The following MCL1 variants were observed in gnomAD, a reference collection of about 807,000 sequenced individuals.
The protein encoded by MCL1 is MCL1 apoptosis regulator, BCL2 family member.
In MCL1, 4 loss-of-function variants were observed where a neutral mutation model predicts 24.2. The ratio of observed to expected loss-of-function variants is 0.17; its 90% CI spans 0.08 to 0.38. The LOEUF is 0.38. MCL1 is among the 10% of genes least tolerant of loss of function. MCL1 has a pLI of 1.00. For missense variants in MCL1, 529 were observed against 480.3 expected, an observed-to-expected ratio of 1.10 and a Z score of -0.95; for synonymous variants, 248 against 214.0, an observed-to-expected ratio of 1.16 and a Z score of -1.39.
Position 150,576,918 on chromosome 1 carries a change from G to A in MCL1, c.*457C>T. 4.0e-6 allele frequency: 1 copy of A among 247,144 alleles called. No homozygotes were observed. The highest frequency in any genetic ancestry group is 1.2e-4 in the South Asian group (1 of 8,270). The allele number at this position is 247,144 out of a possible 1,614,324, so 15.3% of individuals were successfully genotyped here. On this transcript the variant is annotated 3_prime_UTR_variant, in exon 3 of 3. Transcript: ENST00000369026. ...AAAGCTTCCCTTGTACAGTACTGAG[G>A]CTTACAGTCATAGTTCTATTACTTG...
chr1:150,579,084 T>C lies in MCL1; in HGVS notation c.447A>G (p.Glu149=). 6.2e-7 allele frequency: 1 copy of C among 1,613,176 alleles called. No individual in the cohort carries two copies. The highest frequency in any genetic ancestry group is 1.3e-5 in the African/African-American group (1 of 75,068). The change falls in exon 1 of 3, where the codon GAA becomes GAG. Residue 149 remains glutamate (E), a synonymous_variant. Transcript: ENST00000369026. The stretch of plus-strand genomic sequence containing the variant: ...CGTCCGTACTGGTGTTATTACCAGA[T>C]TCCCCGACCAACTCCAGCAGCGGCA... ...AVLPLLELVG[E]SGNNTSTDGS...
intron 2 of MCL1, among the ~76,000 whole-genome samples, 187 bp downstream of exon 2, chr1:150,578,057 A>C (rs1172156851): frequency 6.6e-6 from 1 of 152,246 alleles, no homozygotes; most frequent in East Asian, 1.9e-4. Flanking sequence ...GATACAATTC[A>C]AGACCGCCAT....
rs1398488491 is a variant in MCL1 at position 150,577,350 on chromosome 1, G to GTCA, written c.*22_*24dup. 4 of 1,607,758 alleles carry GTCA rather than the reference G, an allele frequency of 2.5e-6. No homozygotes were observed. In the Admixed American group the frequency reaches 6.9e-5, roughly 28 times the overall value. On this transcript the variant is annotated 3_prime_UTR_variant, in exon 3 of 3. Transcript: ENST00000369026. Reference sequence around the variant, plus strand: ...TGGTGGTGGTGGTGGTTGGTTAAAAGTCAACTATTGCACTTACAGTAAGGC... The same window carrying GTCA: ...TGGTGGTGGTGGTGGTTGGTTAAAAGTCATCAACTATTGCACTTACAGTAAGGC...
chr1:150,578,146 G>A (rs1647893610), intron 2 of MCL1, 98 bp downstream of exon 2: 1 of 1,330,258 alleles, frequency 7.5e-7, no homozygotes. Flanking sequence ...GCAAACAGCC[G>A]TGCGTCATAA....
At chr1:150,577,514 A>G in intron 2 of MCL1, 23 bp from the exon 3 acceptor site, 1 of 1,572,358 alleles carries the variant, frequency 6.4e-7, no homozygotes, top group Non-Finnish European at 8.6e-7. Context: ...AAAGAAAAGC[A>G]CATTTTCAAG....
chr1:150,578,887 C>T lies in MCL1; in HGVS notation c.644G>A (p.Arg215Gln), dbSNP rs2101697690. 1 of 1,613,828 alleles carries T rather than the reference C, an allele frequency of 6.2e-7. No individual in the cohort carries two copies. Among genetic ancestry groups the T allele is most frequent in the Non-Finnish European group, 8.5e-7 (1 of 1,179,966 alleles). ...GTTGCGCTGCACGCCATCCCCAACC[C>T]GTCGTAAGGTCTCCAGCGCCTTCCT... ...TSRKALETLR[R>Q]VGDGVQRNHE... Residue 215 changes from arginine (R) to glutamine (Q), a missense_variant, in exon 1 of 3, where the codon CGG (arginine) becomes CAG (glutamine). Physicochemically the swap from Arg to Gln is conservative, Grantham distance 43. Coordinates refer to ENST00000369026, the MANE Select transcript of MCL1 (RefSeq NM_021960.5).
intron 1 of MCL1, 152 bp downstream of exon 1, chr1:150,578,691 T>A (rs587616711): frequency 1.3e-5 from 13 of 1,025,694 alleles, no homozygotes; most frequent in Admixed American, 2.8e-5. Context: ...GCGGAAACAA[T>A]GACTCATGGC....
In MCL1 at chr1:150,578,445, C is replaced by A; in HGVS notation, c.735G>T (p.Ser245=). 1 of 1,614,198 alleles carries A rather than the reference C, an allele frequency of 6.2e-7. No individual in the cohort carries two copies. The highest frequency in any genetic ancestry group is 1.1e-5 in the South Asian group (1 of 91,090). The stretch of plus-strand genomic sequence containing the variant: ...AAACATGGATCATCACTCGAGACAA[C>A]GATTTCACATCGTCTTCGTTTTTGA... ...LDIKNEDDVK[S]LSRVMIHVFS... Residue 245 remains serine, a synonymous_variant, in exon 2 of 3, where the codon TCG becomes TCT. Transcript: ENST00000369026.
chr1:150,578,533 C>G (rs1647914212), intron 1 of MCL1, 42 bp from the exon 2 acceptor site: 5 of 1,604,344 alleles, frequency 3.1e-6, no homozygotes, highest in African/African-American at 2.7e-5. Flanking sequence ...CCTCCTTTGT[C>G]TAAACCGGCG....
Position 150,578,466 on chromosome 1 carries a change from T to C in MCL1, c.714A>G (p.Lys238=). ...FQGMLRKLDI[K]NEDDVKSLSR... is the part of the protein sequence containing the mutation. The stretch of plus-strand genomic sequence containing the variant: ...ACAACGATTTCACATCGTCTTCGTT[T>C]TTGATGTCCAGTTTCCGAAGCATGC... The change falls in exon 2 of 3, where the codon AAA becomes AAG. Residue 238 remains lysine (K), a synonymous_variant. Coordinates refer to ENST00000369026, the MANE Select transcript of MCL1 (RefSeq NM_021960.5). 1 of 1,614,234 alleles carries C rather than the reference T, an allele frequency of 6.2e-7. No homozygotes were observed. Among genetic ancestry groups the C allele is most frequent in the Non-Finnish European group, 8.5e-7 (1 of 1,180,044 alleles).
In MCL1 at chr1:150,579,077, T is replaced by TACGG; in HGVS notation, c.453_454insCCGT (p.Asn152ProfsTer2). 2 of 1,613,164 alleles carry TACGG rather than the reference T, an allele frequency of 1.2e-6. No homozygotes were observed. The highest frequency in any genetic ancestry group is 1.7e-6 in the Non-Finnish European group (2 of 1,180,012). ...AGTGACCCGTCCGTACTGGTGTTATTACCAGATTCCCCGACCAACTCCAGC... is the reference window on the plus strand; with the variant it reads ...AGTGACCCGTCCGTACTGGTGTTATTACGGACCAGATTCCCCGACCAACTCCAGC... On this transcript the variant is annotated frameshift_variant, in exon 1 of 3. Coordinates refer to ENST00000369026, the MANE Select transcript of MCL1 (RefSeq NM_021960.5). LOFTEE classifies it high-confidence loss of function.
In MCL1 at chr1:150,579,156, C is replaced by G; in HGVS notation, c.375G>C (p.Glu125Asp). ...AADAIMSPEE[E>D]LDGYEPEPLG... is the part of the protein sequence containing the mutation. ...GAGGCTCCGGCTCGTACCCGTCCAG[C>G]TCCTCTTCGGGCGACATGATGGCGT... Residue 125 changes from glutamate to aspartate, a missense_variant, in exon 1 of 3, where the codon GAG (glutamate) becomes GAC (aspartate). Transcript: ENST00000369026. The G allele has an allele frequency of 1.2e-6, 2 of 1,611,134 alleles. No homozygotes were observed. Among genetic ancestry groups the G allele is most frequent in the Non-Finnish European group, 1.7e-6 (2 of 1,179,826 alleles).
In MCL1 at chr1:150,579,572, A is replaced by AC. The variant is rs1252979650; in HGVS notation, c.-43dup. 1 of 1,559,042 alleles carries AC rather than the reference A, an allele frequency of 6.4e-7. No homozygotes were observed. Among genetic ancestry groups the AC allele is most frequent in the Non-Finnish European group, 8.7e-7 (1 of 1,151,376 alleles). On this transcript the variant is annotated 5_prime_UTR_variant, in exon 1 of 3. Transcript: ENST00000369026. ...CGCCTGGCTGAGAAAACTGGGGAAG[A>AC]CCCCGACTCCTTACTGGAAGGAAGC...
rs2101701157 is a variant in MCL1, at chr1:150,579,542, G to A, written c.-12C>T. The A allele has an allele frequency of 6.3e-7, 1 of 1,591,162 alleles. No individual in the cohort carries two copies. The highest frequency in any genetic ancestry group is 8.5e-7 in the Non-Finnish European group (1 of 1,170,362). On this transcript the variant is annotated 5_prime_UTR_variant, in exon 1 of 3. Transcript: ENST00000369026. ...TTGAGGCCAAACATTGCCAGTCGCCGCCGCCGCCTGGCTGAGAAAACTGGG... is the reference window on the plus strand; with the variant it reads ...TTGAGGCCAAACATTGCCAGTCGCCACCGCCGCCTGGCTGAGAAAACTGGG...
intron 2 of MCL1, 54 bp downstream of exon 2, chr1:150,578,190 A>G: frequency 6.4e-7 from 1 of 1,571,168 alleles, no homozygotes; most frequent in Non-Finnish European, 8.6e-7. Flanking sequence ...TCTAAAAAAA[A>G]TCCTTCATTC....
chr1:150,578,586 G>C, intron 1 of MCL1, 95 bp from the exon 2 acceptor site: 1 of 1,486,446 alleles, frequency 6.7e-7, no homozygotes, highest in Non-Finnish European at 9.2e-7. Flanking sequence ...TCGCTACTGG[G>C]ATTTACAGAA....
intron 2 of MCL1, 31 bp from the exon 3 acceptor site, chr1:150,577,522 A>T: frequency 6.6e-7 from 1 of 1,514,300 alleles, no homozygotes; most frequent in South Asian, 1.2e-5. Flanking sequence ...GCACATTTTC[A>T]AGTATGGGTT....
At position 150,574,663 on chromosome 1, in the gene MCL1, G is replaced by A. The variant is rs1317417397; in HGVS notation, c.*2712C>T. 1.3e-5 allele frequency: 3 copies of A among 232,978 alleles called. No homozygotes were observed. The highest frequency in any genetic ancestry group is 2.5e-5 in the Non-Finnish European group (3 of 117,782). 14.4% of individuals were successfully genotyped at this position (232,978 alleles called of 1,614,324 possible). On this transcript the variant is annotated 3_prime_UTR_variant, in exon 3 of 3. Transcript: ENST00000369026. ...TTTGTAGTTGGTCCTAACCCTTCCT[G>A]GCACAGCTATCAAAAGTACAGCTGT...
At chr1:150,577,541 C>T (rs1647863130) in intron 2 of MCL1, 50 bp from the exon 3 acceptor site, 1 of 1,385,180 alleles carries the variant, frequency 7.2e-7, no homozygotes, top group Non-Finnish European at 9.4e-7. Flanking sequence ...TTTCTGCTCT[C>T]TTACAACACT....
Sources: gnomAD v4.1 joint callset for allele counts (sites outside exome capture counted in the v4.1 genomes callset) on GRCh38, gnomAD v4.1.1 for gene constraint, MANE v1.5 for transcripts, NCBI Gene and HGNC (gene_info 2026-07-23, HGNC 2026-07-21) for gene names.